Variants in MAGI1 observed in about 807,000 individuals in gnomAD.
MAGI1 encodes membrane-associated guanylate kinase, WW and PDZ domain-containing protein 1.
MAGI1 carries 58 observed loss-of-function variants against 139.9 expected under a neutral mutation model. The observed-to-expected ratio is 0.41, with a 90% CI of 0.34 to 0.52. The LOEUF is 0.52. MAGI1 is among the 20% of genes least tolerant of loss of function. The pLI, the probability that MAGI1 is intolerant of heterozygous loss-of-function variation, is 0.12. For missense variants in MAGI1, 1,874 were observed against 1,901.6 expected (o/e 0.99, Z 0.27); for synonymous variants, 812 against 737.9 (o/e 1.10, Z -1.63).
intron 1 of MAGI1, among the ~76,000 whole-genome samples, chr3:65,861,714 G>A (rs552948225): frequency 2.0e-5 from 3 of 152,080 alleles, no homozygotes; most frequent in East Asian, 1.9e-4. Flanking sequence ...GGGAAGGGGC[G>A]CCGTGAAAAA....
intron 2 of MAGI1, among the ~76,000 whole-genome samples, chr3:65,583,957 G>A (rs1277763188): frequency 1.3e-5 from 2 of 152,010 alleles, no homozygotes; most frequent in Non-Finnish European, 2.9e-5. Flanking sequence ...TCAATCTGGA[G>A]AACTTTCCAC....
chr3:65,624,370 C>T (rs2083851525), intron 1 of MAGI1, among the ~76,000 whole-genome samples: 1 of 151,630 alleles, frequency 6.6e-6, no homozygotes, highest in Admixed American at 6.6e-5. Flanking sequence ...GGAAACAACC[C>T]AAATGTCCAT....
intron 15 of MAGI1, among the ~76,000 whole-genome samples, chr3:65,382,729 C>T (rs1484101756): frequency 3.3e-5 from 5 of 152,204 alleles, no homozygotes; most frequent in Non-Finnish European, 7.3e-5. Flanking sequence ...AGAACATGAA[C>T]TCGAGTCAGA....
At chr3:65,576,412 G>A (rs1267709958) in intron 2 of MAGI1, among the ~76,000 whole-genome samples, 1 of 152,072 alleles carries the variant, frequency 6.6e-6, no homozygotes, top group African/African-American at 2.4e-5. Context: ...ATCAATCCCC[G>A]CACTCTTCCT....
At chr3:65,984,485 C>T (rs963818002) in intron 1 of MAGI1, among the ~76,000 whole-genome samples, 3 of 149,634 alleles carry the variant, frequency 2.0e-5, no homozygotes, top group African/African-American at 7.5e-5. Flanking sequence ...TTTTAAAACA[C>T]GTTTAATATA....
At chr3:65,929,682 C>A (rs980031400) in intron 1 of MAGI1, among the ~76,000 whole-genome samples, 1 of 152,028 alleles carries the variant, frequency 6.6e-6, no homozygotes, top group East Asian at 1.9e-4. Context: ...ACATAAGATA[C>A]TAGATAATTC....
intron 1 of MAGI1, among the ~76,000 whole-genome samples, chr3:65,867,442 T>C (rs545833458): frequency 6.6e-6 from 1 of 152,204 alleles, no homozygotes; most frequent in East Asian, 1.9e-4. Flanking sequence ...CTTCAAAGGG[T>C]GTGAGTGGGA....
At chr3:65,626,622 C>A (rs1230795121) in intron 1 of MAGI1, among the ~76,000 whole-genome samples, 1 of 152,188 alleles carries the variant, frequency 6.6e-6, no homozygotes, top group Non-Finnish European at 1.5e-5. Flanking sequence ...CCATGCCCCA[C>A]CTGGAAGGCA....
chr3:65,656,005 T>G (rs2085854460), intron 1 of MAGI1, among the ~76,000 whole-genome samples: 1 of 152,184 alleles, frequency 6.6e-6, no homozygotes, highest in Non-Finnish European at 1.5e-5. Context: ...CCCAGAAAGC[T>G]CTTGTGTCAG....
intron 17 of MAGI1, among the ~76,000 whole-genome samples, chr3:65,379,043 T>G (rs570991445): frequency 6.6e-6 from 1 of 152,304 alleles, no homozygotes; most frequent in Admixed American, 6.5e-5. Context: ...GATCACATTC[T>G]CAGTGTGGAA....
intron 6 of MAGI1, among the ~76,000 whole-genome samples, chr3:65,448,650 C>T (rs1012332922): frequency 1.3e-5 from 2 of 151,736 alleles, no homozygotes; most frequent in Non-Finnish European, 2.9e-5. Flanking sequence ...GAAAACTGCC[C>T]TGAAGGAGTG....
At chr3:65,465,830 T>C (rs1950131857) in intron 5 of MAGI1, among the ~76,000 whole-genome samples, 1 of 152,216 alleles carries the variant, frequency 6.6e-6, no homozygotes, top group South Asian at 2.1e-4. Flanking sequence ...CCACTTTCTA[T>C]TCCCCTGGGA....
chr3:66,004,073 C>T (rs928275909), intron 1 of MAGI1: 4 of 152,136 alleles, frequency 2.6e-5, no homozygotes, highest in African/African-American at 9.7e-5. Flanking sequence ...CAGAAGCTGA[C>T]GCTCCTGTTC....
intron 1 of MAGI1, among the ~76,000 whole-genome samples, chr3:65,842,786 G>C (rs998638172): frequency 1.3e-5 from 2 of 152,100 alleles, no homozygotes; most frequent in Admixed American, 1.3e-4. Context: ...CCAACAGGGC[G>C]CTTCTCCTGG....
chr3:65,709,764 G>C (rs1402491293), intron 1 of MAGI1, among the ~76,000 whole-genome samples: 2 of 152,212 alleles, frequency 1.3e-5, no homozygotes, highest in Non-Finnish European at 2.9e-5. Flanking sequence ...GCATTTGACA[G>C]ATTAAAACTT....
Position 65,437,184 on chromosome 3 carries a change from G to C in MAGI1, c.1334C>G (p.Pro445Arg), listed in dbSNP as rs761728260. ...PVIPNHPPSN[P>R]EPAREVPLQG... is the part of the protein sequence containing the mutation. ...AAGTGGAACTTCTCTGGCTGGCTCT[G>C]GATTGCTTGGAGGGTGGTTTGGAAT... Residue 445 changes from proline (P) to arginine (R), a missense_variant, in exon 10 of 23, where the codon CCA (proline) becomes CGA (arginine). Physicochemically the swap from Pro to Arg is moderately radical, Grantham distance 103. Coordinates refer to ENST00000402939, the MANE Select transcript of MAGI1 (RefSeq NM_001033057.2). 6.2e-7 allele frequency: 1 copy of C among 1,610,888 alleles called. No homozygotes were observed. The highest frequency in any genetic ancestry group is 2.2e-5 in the East Asian group (1 of 44,808).
At chr3:65,616,138 T>G (rs2083356758) in intron 2 of MAGI1, among the ~76,000 whole-genome samples, 1 of 152,150 alleles carries the variant, frequency 6.6e-6, no homozygotes, top group East Asian at 1.9e-4. Context: ...AAACATTCAC[T>G]TCTTTGTTCT....
At chr3:65,659,567 T>C (rs542997865) in intron 1 of MAGI1, among the ~76,000 whole-genome samples, 31 of 152,300 alleles carry the variant, frequency 2.0e-4, no homozygotes, top group African/African-American at 6.0e-4. Context: ...CCAGGAGTTT[T>C]CATGAATATC....
intron 13 of MAGI1, among the ~76,000 whole-genome samples, chr3:65,400,213 A>T (rs571543634): frequency 6.6e-6 from 1 of 152,188 alleles, no homozygotes; most frequent in Non-Finnish European, 1.5e-5. Context: ...ACGTTAACAC[A>T]CACTGACAAG....
Sources: gnomAD v4.1 joint callset for allele counts (sites outside exome capture counted in the v4.1 genomes callset) on GRCh38, gnomAD v4.1.1 for gene constraint, MANE v1.5 for transcripts, NCBI Gene and HGNC (gene_info 2026-07-23, HGNC 2026-07-21) for gene names.